The following TTI1 variants were observed in gnomAD, a reference collection of about 807,000 sequenced individuals.
TTI1 encodes TELO2 interacting protein 1.
Under a neutral mutation model 85.4 loss-of-function variants are expected in TTI1, and 52 were observed. The observed-to-expected ratio is 0.61, with a 90% CI of 0.49 to 0.77. The LOEUF is 0.77. TTI1 is among the 30% of genes least tolerant of loss of function. The pLI is 0.00. For missense variants in TTI1, 1,173 were observed against 1,296.0 expected (o/e 0.91, Z 1.46); for synonymous variants, 512 against 503.9 (o/e 1.02, Z -0.22).
At chr20:38,004,835 A>G (rs2073473941) in intron 3 of TTI1, among the ~76,000 whole-genome samples, 1 of 152,224 alleles carries the variant, frequency 6.6e-6, no homozygotes, top group Non-Finnish European at 1.5e-5. Context: ...GCAAATCTGG[A>G]TTATGAGGGA....
At chr20:37,989,297 T>C (rs1380321786) in intron 7 of TTI1, among the ~76,000 whole-genome samples, 1 of 152,122 alleles carries the variant, frequency 6.6e-6, no homozygotes, top group Non-Finnish European at 1.5e-5. Flanking sequence ...GAGACCCATA[T>C]CAAAAATATT....
intron 5 of TTI1, among the ~76,000 whole-genome samples, chr20:37,998,467 TG>T (rs1883764197): frequency 6.6e-6 from 1 of 151,726 alleles, no homozygotes; most frequent in Non-Finnish European, 1.5e-5. Flanking sequence ...TTCTAATTTA[TG>T]GCAGCTCGCT....
intron 2 of TTI1, among the ~76,000 whole-genome samples, chr20:38,010,304 C>T (rs945601537): frequency 3.3e-5 from 5 of 152,134 alleles, no homozygotes; most frequent in African/African-American, 1.2e-4. Context: ...GTGACCATTC[C>T]ACCTTCTCAG....
chr20:37,993,911 C>A (rs1568610183), intron 7 of TTI1, among the ~76,000 whole-genome samples: 1 of 152,178 alleles, frequency 6.6e-6, no homozygotes, highest in Non-Finnish European at 1.5e-5. Context: ...GAAGTGGGAC[C>A]AGTGGTGAGG....
At chr20:38,023,052 G>A (rs1192354967) in intron 1 of TTI1, among the ~76,000 whole-genome samples, 1 of 152,172 alleles carries the variant, frequency 6.6e-6, no homozygotes, top group African/African-American at 2.4e-5. Context: ...TGTAAGAATC[G>A]CCAATACAAG....
At position 37,998,092 on chromosome 20, in the gene TTI1, G is replaced by C. The variant is rs371630944; in HGVS notation, c.2793+1096C>G. The stretch of plus-strand genomic sequence containing the variant: ...TTATAGGCGCCTGCCACTGCGCCCA[G>C]GTAATTTTTGTATTTTTAGTGGAGA... On this transcript the variant is annotated intron_variant, in intron 5 of 7. Transcript: ENST00000373447. Among the ~76,000 whole-genome samples, 484 of 152,176 alleles carry C rather than the reference G, an allele frequency of 3.2e-3. 1 individual carries two copies. Among genetic ancestry groups the C allele is most frequent in the African/African-American group, 0.011 (456 of 41,522 alleles).
chr20:38,008,707 C>T (rs2073536891), intron 2 of TTI1, among the ~76,000 whole-genome samples: 1 of 152,148 alleles, frequency 6.6e-6, no homozygotes, highest in African/African-American at 2.4e-5. Context: ...TCTGAGAACA[C>T]ATTTCCACAC....
Position 38,012,333 on chromosome 20 carries a change from A to C in TTI1, c.1484T>G (p.Leu495Arg). 6.2e-7 allele frequency: 1 copy of C among 1,614,226 alleles called. No homozygotes were observed. Among genetic ancestry groups the C allele is most frequent in the Non-Finnish European group, 8.5e-7 (1 of 1,180,056 alleles). The change falls in exon 2 of 8, where the codon CTT (leucine) becomes CGT (arginine). Residue 495 changes from leucine to arginine, a missense_variant. Transcript: ENST00000373447. ...FMLLRQVCQL[L>R]GYYGNLYLLV... is the part of the protein sequence containing the mutation. Reference sequence around the variant, plus strand: ...CAAATAAAGATTCCCATAATAACCAAGTAGCTGACAAACCTGCCTCAAGAG... The same window carrying C: ...CAAATAAAGATTCCCATAATAACCACGTAGCTGACAAACCTGCCTCAAGAG...
At chr20:38,027,693 G>C (rs2073853562) in intron 1 of TTI1, among the ~76,000 whole-genome samples, 1 of 152,216 alleles carries the variant, frequency 6.6e-6, no homozygotes, top group South Asian at 2.1e-4. Flanking sequence ...GGGAGGCTGA[G>C]GTGGGTGGAT....
rs1400506147 is a variant in TTI1, at chr20:37,996,864, G to T, written c.2883C>A (p.Val961=). 2.5e-6 allele frequency: 4 copies of T among 1,614,058 alleles called. No individual in the cohort carries two copies. The South Asian group carries it at 3.3e-5, about 13-fold the overall frequency. ...DVLPKLAGSL[V]TQAPISARAG... Reference sequence around the variant, plus strand: ...CCCTGGCACTGATGGGGGCCTGGGTGACTAGGGAGCCAGCCAGCTTTGGCA... The same window carrying T: ...CCCTGGCACTGATGGGGGCCTGGGTTACTAGGGAGCCAGCCAGCTTTGGCA... Residue 961 remains valine (V), a synonymous_variant, in exon 6 of 8, where the codon GTC becomes GTA. Transcript: ENST00000373447.
At chr20:38,000,705 G>T (rs1473090022) in intron 4 of TTI1, among the ~76,000 whole-genome samples, 1 of 152,236 alleles carries the variant, frequency 6.6e-6, no homozygotes, top group Non-Finnish European at 1.5e-5. Context: ...ACAGTGGGGA[G>T]CAGGGGATCA....
At chr20:37,992,996 A>T (rs183005893) in intron 7 of TTI1, among the ~76,000 whole-genome samples, 74 of 152,158 alleles carry the variant, frequency 4.9e-4, no homozygotes, top group African/African-American at 1.6e-3. Flanking sequence ...ACCCTCAGGG[A>T]CACTGTCTTA....
intron 7 of TTI1, among the ~76,000 whole-genome samples, chr20:37,988,229 C>T (rs1368042170): frequency 2.0e-5 from 3 of 152,176 alleles, no homozygotes; most frequent in East Asian, 1.9e-4. Flanking sequence ...AGGAGAGGCA[C>T]GGCAAGTTGC....
chr20:37,983,725 A>G (rs2122465058), intron 7 of TTI1, 86 bp from the exon 8 acceptor site: 1 of 1,223,980 alleles, frequency 8.2e-7, no homozygotes, highest in Non-Finnish European at 1.1e-6. Context: ...GCTGTTTACC[A>G]GGCTATTTGA....
At chr20:38,024,928 T>C (rs1437133623) in intron 1 of TTI1, among the ~76,000 whole-genome samples, 1 of 152,088 alleles carries the variant, frequency 6.6e-6, no homozygotes, top group Non-Finnish European at 1.5e-5. Context: ...GTGGTAATGA[T>C]GCCACCTCCA....
In TTI1 at chr20:38,006,286, G is replaced by A. The variant is rs1178661964; in HGVS notation, c.2414C>T (p.Thr805Ile). The A allele has an allele frequency of 6.2e-7, 1 of 1,614,088 alleles. No homozygotes were observed. Among genetic ancestry groups the A allele is most frequent in the Non-Finnish European group, 8.5e-7 (1 of 1,180,042 alleles). ...RPAALEKSTTTAEDIEQFLLN... is the reference protein window; with the variant it reads ...RPAALEKSTTIAEDIEQFLLN... ...CAAAAACTGTTCGATGTCTTCAGCT[G>A]TGGTGGTGCTCTTCTCAAGAGCTGC... is the stretch of plus-strand genomic sequence containing the variant. The change falls in exon 3 of 8, where the codon ACA (threonine) becomes ATA (isoleucine). Residue 805 changes from threonine to isoleucine, a missense_variant. Transcript: ENST00000373447.
chr20:37,997,419 G>A (rs930522375), intron 5 of TTI1, among the ~76,000 whole-genome samples: 4 of 152,196 alleles, frequency 2.6e-5, no homozygotes, highest in Non-Finnish European at 2.9e-5. Flanking sequence ...GTTAGTGACT[G>A]GGCCGAGGTC....
chr20:38,019,318 A>C (rs998658451), intron 1 of TTI1, among the ~76,000 whole-genome samples: 2 of 152,180 alleles, frequency 1.3e-5, no homozygotes, highest in Non-Finnish European at 2.9e-5. Context: ...TAAATATAAA[A>C]AAATTAACTG....
At chr20:38,032,548 TA>T (rs1411513721) in intron 1 of TTI1, among the ~76,000 whole-genome samples, 1 of 149,998 alleles carries the variant, frequency 6.7e-6, no homozygotes. Context: ...ATTTAAAACT[TA>T]AAAAAAAAAT....
Sources: allele counts gnomAD v4.1 joint callset (sites outside exome capture counted in the v4.1 genomes callset), GRCh38; gene constraint gnomAD v4.1.1; transcripts MANE v1.5; gene names NCBI Gene and HGNC (gene_info 2026-07-23, HGNC 2026-07-21).